STX19: variants seen among roughly 807,000 people sequenced by gnomAD.
STX19 encodes syntaxin-19.
STX19 carries 26 observed loss-of-function variants against 24.3 expected under a neutral mutation model. The observed-to-expected ratio is 1.07, with a 90% CI of 0.78 to 1.48. The LOEUF (loss-of-function observed/expected upper bound fraction) is 1.48, where lower values mean the gene tolerates loss of function less well. STX19 is among the 40% of genes most tolerant of loss of function. The pLI is 0.00. For synonymous variants in STX19, 116 were observed against 106.9 expected (o/e 1.09, Z -0.52); for missense variants, 367 against 331.9 (o/e 1.11, Z -0.82).
chr3:94,014,480 T>C lies in STX19; in HGVS notation c.790A>G (p.Thr264Ala). Residue 264 changes from threonine to alanine, a missense_variant, in exon 2 of 2, where the codon ACT becomes GCT. Physicochemically the swap from Thr to Ala is moderately conservative, Grantham distance 58 (BLOSUM62 0). Coordinates refer to ENST00000315099, the MANE Select transcript of STX19 (RefSeq NM_001001850.3). ...ACAGCTAGTCCAAATTTCTCTTTAG[T>C]ATTGTTAACATACTCTTTTGTACTA... ...VNSTKEYVNN[T>A]KEKFGLAVKY... 4.4e-6 allele frequency: 7 copies of C among 1,608,918 alleles called. No individual in the cohort carries two copies. Among genetic ancestry groups the C allele is most frequent in the Non-Finnish European group, 5.9e-6 (7 of 1,178,620 alleles).
chr3:94,017,337 A>G (rs2076354604), intron 1 of STX19, among the ~76,000 whole-genome samples: 1 of 152,210 alleles, frequency 6.6e-6, no homozygotes, highest in African/African-American at 2.4e-5. Flanking sequence ...GGTTTGATTC[A>G]ATATAAAGAA....
At chr3:94,016,293 C>A (rs2076332070) in intron 1 of STX19, among the ~76,000 whole-genome samples, 1 of 151,678 alleles carries the variant, frequency 6.6e-6, no homozygotes, top group African/African-American at 2.4e-5. Context: ...TTAATATCAA[C>A]CAGAAAAAAA....
chr3:94,028,584 A>G lies in STX19; in HGVS notation c.-231T>C, dbSNP rs1211365231. On this transcript the variant is annotated 5_prime_UTR_variant, in exon 1 of 2. Transcript: ENST00000315099. The stretch of plus-strand genomic sequence containing the variant: ...AGTTGTACGTTTGCTGTTAATAGCA[A>G]GTGAAAATAGATTGCTTACTTCACA... The G allele has an allele frequency of 6.6e-6, 1 of 152,260 alleles. No homozygotes were observed. The highest frequency in any genetic ancestry group is 2.4e-5 in the African/African-American group (1 of 41,466). 9.4% of individuals were successfully genotyped at this position (152,260 alleles called of 1,614,324 possible). A position where few individuals can be genotyped will look rare whatever the true frequency, so the allele number is the denominator to read the frequency against.
intron 1 of STX19, among the ~76,000 whole-genome samples, chr3:94,021,889 T>C (rs550734646): frequency 6.6e-6 from 1 of 152,274 alleles, no homozygotes; most frequent in African/African-American, 2.4e-5. Context: ...AAAAATGTTA[T>C]TTTTTCCCTC....
intron 1 of STX19, among the ~76,000 whole-genome samples, chr3:94,024,984 A>G (rs560615527): frequency 8.5e-5 from 13 of 152,280 alleles, no homozygotes; most frequent in Middle Eastern, 3.4e-3. Context: ...TCAAATTGCT[A>G]TTGGAGCACA....
At chr3:94,026,180 C>T (rs1254825060) in intron 1 of STX19, among the ~76,000 whole-genome samples, 5 of 152,094 alleles carry the variant, frequency 3.3e-5, no homozygotes, top group Admixed American at 1.3e-4. Context: ...CCACCACACC[C>T]GACTAACTTT....
intron 1 of STX19, among the ~76,000 whole-genome samples, chr3:94,017,365 T>C (rs1401069623): frequency 2.0e-5 from 3 of 152,162 alleles, no homozygotes; most frequent in South Asian, 2.1e-4. Flanking sequence ...CAAACAAATA[T>C]TGCTTTCCCA....
At chr3:94,015,488 T>G (rs904131098) in intron 1 of STX19, among the ~76,000 whole-genome samples, 4 of 152,218 alleles carry the variant, frequency 2.6e-5, no homozygotes, top group African/African-American at 9.6e-5. Flanking sequence ...TAAGTTACTT[T>G]GCATGTGAGT....
intron 1 of STX19, among the ~76,000 whole-genome samples, chr3:94,021,375 G>T (rs929193384): frequency 6.6e-6 from 1 of 151,628 alleles, no homozygotes; most frequent in African/African-American, 2.4e-5. Flanking sequence ...TTGTATTTCT[G>T]GTAGAGACAA....
At chr3:94,027,524 A>C (rs2076582732) in intron 1 of STX19, among the ~76,000 whole-genome samples, 1 of 152,124 alleles carries the variant, frequency 6.6e-6, no homozygotes, top group Non-Finnish European at 1.5e-5. Context: ...TTTATATTAC[A>C]TTTAAAACTG....
intron 1 of STX19, among the ~76,000 whole-genome samples, chr3:94,022,660 T>G (rs2076472695): frequency 6.6e-6 from 1 of 152,092 alleles, no homozygotes; most frequent in Non-Finnish European, 1.5e-5. Flanking sequence ...TTTAAATTAT[T>G]TCTAAGTTTT....
intron 1 of STX19, 42 bp from the exon 2 acceptor site, chr3:94,015,324 G>T (rs1051128082): frequency 4.1e-6 from 6 of 1,452,842 alleles, no homozygotes; most frequent in Non-Finnish European, 4.6e-6. Flanking sequence ...TAGAAATTTG[G>T]TATTTTTCCC....
chr3:94,016,371 A>G (rs1287862172), intron 1 of STX19, among the ~76,000 whole-genome samples: 4 of 152,144 alleles, frequency 2.6e-5, no homozygotes, highest in South Asian at 2.1e-4. Flanking sequence ...AAATATTTCT[A>G]TTAATCTGGA....
chr3:94,017,402 G>A (rs2076356012), intron 1 of STX19, among the ~76,000 whole-genome samples: 1 of 152,176 alleles, frequency 6.6e-6, no homozygotes, highest in Non-Finnish European at 1.5e-5. Context: ...TTCATGAGGT[G>A]CTGAGTTTGC....
chr3:94,015,219 G>C lies in STX19; in HGVS notation c.51C>G (p.Leu17=). 1 of 1,595,428 alleles carries C rather than the reference G, an allele frequency of 6.3e-7. No individual in the cohort carries two copies. The highest frequency in any genetic ancestry group is 8.5e-7 in the Non-Finnish European group (1 of 1,174,860). The part of the protein sequence containing the change: ...ELKQRTKEIE[L]SRDSHVSTTE... ...TAGTTGATACATGACTGTCTCTAGA[G>C]AGTTCAATTTCCTTTGTTCTCTGCT... Residue 17 remains leucine, a synonymous_variant, in exon 2 of 2, where the codon CTC becomes CTG. Coordinates refer to ENST00000315099, the MANE Select transcript of STX19 (RefSeq NM_001001850.3).
At chr3:94,028,098 G>A (rs2076595365) in intron 1 of STX19, among the ~76,000 whole-genome samples, 1 of 152,066 alleles carries the variant, frequency 6.6e-6, no homozygotes, top group Non-Finnish European at 1.5e-5. Context: ...TTAAATGAGA[G>A]CTTACTTTTT....
intron 1 of STX19, among the ~76,000 whole-genome samples, chr3:94,025,419 A>G (rs2076535652): frequency 6.6e-6 from 1 of 152,184 alleles, no homozygotes; most frequent in African/African-American, 2.4e-5. Context: ...GTCTTGGTTT[A>G]TGGATCCTAT....
At chr3:94,027,405 T>G (rs1240549521) in intron 1 of STX19, among the ~76,000 whole-genome samples, 1 of 152,112 alleles carries the variant, frequency 6.6e-6, no homozygotes, top group African/African-American at 2.4e-5. Flanking sequence ...TCTAAATAAC[T>G]TATTGAATTA....
At chr3:94,021,162 G>T (rs1253669492) in intron 1 of STX19, among the ~76,000 whole-genome samples, 1 of 149,352 alleles carries the variant, frequency 6.7e-6, no homozygotes, top group Admixed American at 6.7e-5. Context: ...AGTTGTTTTT[G>T]TCTTTCGTGT....
Sources: allele counts gnomAD v4.1 joint callset (sites outside exome capture counted in the v4.1 genomes callset), GRCh38; gene constraint gnomAD v4.1.1; transcripts MANE v1.5; gene names NCBI Gene and HGNC (gene_info 2026-07-23, HGNC 2026-07-21).